GSE1: variants seen among roughly 807,000 people sequenced by gnomAD.
The protein encoded by GSE1 is genetic suppressor element 1.
A neutral mutation model predicts 112.6 loss-of-function variants in GSE1; 32 were observed. The observed-to-expected ratio is 0.28, with a 90% CI of 0.21 to 0.38. The LOEUF is 0.38. Ranked by LOEUF, GSE1 falls within the 10% of genes least tolerant of loss-of-function variation. The probability of loss-of-function intolerance (pLI) is 1.00; values close to 1 mark genes in which losing one functional copy is unlikely to be tolerated. For synonymous variants in GSE1, 1,115 were observed against 735.6 expected, an observed-to-expected ratio of 1.52 and a Z score of -8.35; for missense variants, 2,348 against 1,699.2, an observed-to-expected ratio of 1.38 and a Z score of -6.71.
chr16:85,393,738 A>G (rs1394111897), intron 2 of GSE1, among the ~76,000 whole-genome samples: 1 of 152,156 alleles, frequency 6.6e-6, no homozygotes, highest in African/African-American at 2.4e-5. Context: ...TGATCTTCTT[A>G]GGGGCCCAGT....
intron 1 of GSE1, among the ~76,000 whole-genome samples, chr16:85,350,152 G>C (rs920637914): frequency 2.0e-5 from 3 of 152,180 alleles, no homozygotes; most frequent in African/African-American, 7.2e-5. Context: ...CACATAGTAG[G>C]TACTCGGGAC....
intron 2 of GSE1, among the ~76,000 whole-genome samples, chr16:85,415,620 G>A (rs1033709214): frequency 2.0e-5 from 3 of 152,214 alleles, no homozygotes; most frequent in South Asian, 4.1e-4. Context: ...TGCTGACCCC[G>A]TGATCGGGAT....
intron 2 of GSE1, among the ~76,000 whole-genome samples, chr16:85,367,772 T>C (rs371816667): frequency 1.3e-5 from 2 of 152,092 alleles, no homozygotes; most frequent in East Asian, 3.9e-4. Context: ...GTTGAGTGAA[T>C]GTGAGCTTTT....
At chr16:85,497,883 C>T (rs900300393) in intron 2 of GSE1, among the ~76,000 whole-genome samples, 6 of 152,188 alleles carry the variant, frequency 3.9e-5, no homozygotes, top group African/African-American at 1.2e-4. Context: ...GGGAGGGTGG[C>T]GCTCTTGTTA....
exon 1 of GSE1, chr16:85,171,351 C>G (rs1182524381): frequency 1.0e-6 from 1 of 985,502 alleles, no homozygotes; most frequent in African/African-American, 1.7e-5. Context: ...TCCAGCTCAA[C>G]GTGAACCCCG....
At chr16:85,647,984 C>A (rs1481578930) in intron 2 of GSE1, among the ~76,000 whole-genome samples, 2 of 151,960 alleles carry the variant, frequency 1.3e-5, no homozygotes, top group Non-Finnish European at 2.9e-5. Context: ...TCCTGTGACC[C>A]CCCAAGCACA....
chr16:85,668,411 G>A lies in GSE1; in HGVS notation c.3402G>A (p.Gln1134=), dbSNP rs939816439. 1.9e-6 allele frequency: 3 copies of A among 1,606,184 alleles called. No homozygotes were observed. The highest frequency in any genetic ancestry group is 1.7e-5 in the Admixed American group (1 of 59,902). Residue 1134 remains glutamine, a synonymous_variant, in exon 14 of 16, where the codon CAG becomes CAA. Transcript: ENST00000253458. ...QGIEAVFEAY[Q]EHIEEQNLER... ...TCGAGGCCGTTTTTGAAGCTTACCA[G>A]GAACACATAGAAGGTAAGGGGGTGC...
chr16:85,265,504 T>C (rs1908145219), intron 1 of GSE1, among the ~76,000 whole-genome samples: 1 of 152,114 alleles, frequency 6.6e-6, no homozygotes, highest in Non-Finnish European at 1.5e-5. Flanking sequence ...TTTTCTAGAA[T>C]ATGTCCGGAC....
At chr16:85,394,289 G>A (rs1208213537) in intron 2 of GSE1, among the ~76,000 whole-genome samples, 3 of 152,184 alleles carry the variant, frequency 2.0e-5, no homozygotes, top group African/African-American at 7.2e-5. Flanking sequence ...ACAAAGTAGG[G>A]CAGAGCCATT....
intron 2 of GSE1, among the ~76,000 whole-genome samples, chr16:85,521,598 C>A (rs2052188147): frequency 6.6e-6 from 1 of 152,236 alleles, no homozygotes; most frequent in African/African-American, 2.4e-5. Flanking sequence ...TCCCTGAAGT[C>A]CCCTTCCTGC....
intron 1 of GSE1, among the ~76,000 whole-genome samples, chr16:85,301,575 G>C (rs1450580234): frequency 1.3e-5 from 2 of 152,268 alleles, no homozygotes; most frequent in Non-Finnish European, 2.9e-5. Flanking sequence ...GCTGGGGCCA[G>C]TGTGGGACTT....
intron 2 of GSE1, among the ~76,000 whole-genome samples, chr16:85,475,325 C>A (rs143449071): frequency 2.3e-4 from 35 of 152,328 alleles, no homozygotes; most frequent in African/African-American, 7.5e-4. Context: ...CTGGGGGCCC[C>A]TCAGGGCTGC....
chr16:85,672,489 T>C lies in GSE1; in HGVS notation c.3604T>C (p.Leu1202=), dbSNP rs751543478. The change falls in exon 16 of 16, where the codon TTG becomes CTG. Residue 1202 remains leucine (L), a synonymous_variant. Coordinates refer to ENST00000253458, the MANE Select transcript of GSE1 (RefSeq NM_014615.5). Reference sequence around the variant, plus strand: ...GGACCACTTACGAAAGTGCCTTGCCTTGCCTGCAATGCACTGGCCTAGGGG... The same window carrying C: ...GGACCACTTACGAAAGTGCCTTGCCCTGCCTGCAATGCACTGGCCTAGGGG... The part of the protein sequence containing the change: ...ELDHLRKCLA[L]PAMHWPRGYL... The C allele has an allele frequency of 6.2e-7, 1 of 1,612,062 alleles. No individual in the cohort carries two copies. The highest frequency in any genetic ancestry group is 8.5e-7 in the Non-Finnish European group (1 of 1,178,292).
At chr16:85,546,001 G>A (rs1357613150) in intron 2 of GSE1, among the ~76,000 whole-genome samples, 1 of 152,126 alleles carries the variant, frequency 6.6e-6, no homozygotes, top group African/African-American at 2.4e-5. Context: ...TAGCCAGGAT[G>A]GTCTCGATCT....
At chr16:85,421,898 C>T (rs148968994) in intron 2 of GSE1, among the ~76,000 whole-genome samples, 18 of 152,202 alleles carry the variant, frequency 1.2e-4, no homozygotes, top group East Asian at 9.7e-4. Flanking sequence ...GCTTCAAGGC[C>T]GGCCTCCTCT....
intron 1 of GSE1, among the ~76,000 whole-genome samples, chr16:85,292,328 G>GTTT (rs57225210): frequency 6.4e-5 from 9 of 140,702 alleles, no homozygotes; most frequent in African/African-American, 1.3e-4. Context: ...TTTTGTTTTT[G>GTTT]TTTTTTTTTT....
intron 2 of GSE1, among the ~76,000 whole-genome samples, chr16:85,515,184 G>C (rs1333750862): frequency 6.6e-6 from 1 of 152,138 alleles, no homozygotes; most frequent in East Asian, 1.9e-4. Context: ...TTCCCAATCG[G>C]CATTCCAGCT....
intron 3 of GSE1, among the ~76,000 whole-genome samples, chr16:85,651,100 T>G: frequency 8.9e-6 from 1 of 111,938 alleles, no homozygotes; most frequent in Non-Finnish European, 1.8e-5. Context: ...CCGCCTTCTT[T>G]CTTTCATCGT....
In GSE1 at chr16:85,512,984, C is replaced by T. The variant is rs143192300; in HGVS notation, c.2465-120930C>T. Among the ~76,000 whole-genome samples, 574 of 152,264 alleles carry T rather than the reference C, an allele frequency of 3.8e-3. 3 individuals are homozygous for T. The highest frequency in any genetic ancestry group is 0.013 in the African/African-American group (545 of 41,532). ...TTATCTGACCCTAAACCCCAGCTGC[C>T]ATGGGGAGCTCTGGAATCCCTGAAA... On this transcript the variant is annotated intron_variant, in intron 2 of 2. Coordinates refer to the GSE1 transcript ENST00000637419.
Sources: allele counts gnomAD v4.1 joint callset (sites outside exome capture counted in the v4.1 genomes callset), GRCh38; gene constraint gnomAD v4.1.1; transcripts MANE v1.5; gene names NCBI Gene and HGNC (gene_info 2026-07-23, HGNC 2026-07-21).